The following GOLGB1 variants were observed in gnomAD, a reference collection of about 807,000 sequenced individuals.
GOLGB1 encodes golgin subfamily B member 1.
A neutral mutation model predicts 336.9 loss-of-function variants in GOLGB1; 174 were observed. That is an observed-to-expected ratio of 0.52 (90% CI 0.46 to 0.59). GOLGB1 has a LOEUF of 0.59. Among genes scored for constraint, GOLGB1 ranks in the 20% least tolerant of loss-of-function variants. The probability of loss-of-function intolerance (pLI) is 0.00; values close to 1 mark genes in which losing one functional copy is unlikely to be tolerated. For synonymous variants in GOLGB1, 1,208 were observed against 1,289.2 expected (o/e 0.94, Z 1.35); for missense variants, 3,331 against 3,645.3 (o/e 0.91, Z 2.22).
At chr3:121,716,086 T>C (rs960534905) in intron 9 of GOLGB1, among the ~76,000 whole-genome samples, 2 of 152,192 alleles carry the variant, frequency 1.3e-5, no homozygotes, top group Non-Finnish European at 2.9e-5. Context: ...CTTTCCTTTA[T>C]GTCTATGTCA....
intron 3 of GOLGB1, 151 bp downstream of exon 3, chr3:121,729,714 C>A: frequency 1.7e-6 from 1 of 601,624 alleles, no homozygotes; most frequent in Non-Finnish European, 2.8e-6. Context: ...ACCACACCGA[C>A]CCAAAAGTTA....
chr3:121,743,165 T>C (rs1184658932), intron 1 of GOLGB1, among the ~76,000 whole-genome samples: 1 of 152,192 alleles, frequency 6.6e-6, no homozygotes, highest in African/African-American at 2.4e-5. Flanking sequence ...CATATACACA[T>C]GTATGTTTAC....
chr3:121,701,831 A>G (rs1335964793), intron 11 of GOLGB1, among the ~76,000 whole-genome samples: 1 of 152,182 alleles, frequency 6.6e-6, no homozygotes, highest in Non-Finnish European at 1.5e-5. Context: ...AGAGCTTATA[A>G]TATAGTAAAA....
At chr3:121,686,455 T>C (rs1941737615) in intron 14 of GOLGB1, among the ~76,000 whole-genome samples, 1 of 152,318 alleles carries the variant, frequency 6.6e-6, no homozygotes, top group African/African-American at 2.4e-5. Context: ...TTTTATTTTA[T>C]CTTGAAAAAT....
At chr3:121,727,578 C>G (rs975418646) in intron 4 of GOLGB1, among the ~76,000 whole-genome samples, 2 of 151,694 alleles carry the variant, frequency 1.3e-5, no homozygotes, top group Non-Finnish European at 2.9e-5. Context: ...CTTGAAGAAT[C>G]AAGGAGAGAG....
At chr3:121,675,509 C>T (rs1940249692) in intron 17 of GOLGB1, among the ~76,000 whole-genome samples, 1 of 152,046 alleles carries the variant, frequency 6.6e-6, no homozygotes, top group African/African-American at 2.4e-5. Context: ...GGAAAAATGA[C>T]ACTATATGCA....
In GOLGB1 at chr3:121,692,271, CCA is replaced by C. The variant is rs1476762740; in HGVS notation, c.7091_7092del (p.Leu2364ArgfsTer3). The C allele has an allele frequency of 1.9e-6, 3 of 1,610,360 alleles. No individual in the cohort carries two copies. Among genetic ancestry groups the C allele is most frequent in the Non-Finnish European group, 2.5e-6 (3 of 1,179,014 alleles). Reference sequence around the variant, plus strand: ...TCTCTGGAGGCCTGAAGATCAGTCTCCAGTTGTTCATAACTGAACTTAGAATT... The same window carrying C: ...TCTCTGGAGGCCTGAAGATCAGTCTCGTTGTTCATAACTGAACTTAGAATT... Reference protein sequence around the residue: ...IQNSKFSYEQLETDLQASREL... With the variant: ...IQNSKFSYEQXETDLQASREL... On this transcript the variant is annotated frameshift_variant, in exon 14 of 22. Coordinates refer to ENST00000614479, the MANE Select transcript of GOLGB1 (RefSeq NM_001366282.2). LOFTEE classifies it high-confidence loss of function.
intron 5 of GOLGB1, among the ~76,000 whole-genome samples, chr3:121,723,347 T>C (rs1243747274): frequency 6.6e-6 from 1 of 152,216 alleles, no homozygotes; most frequent in Non-Finnish European, 1.5e-5. Flanking sequence ...ATGGGTTGAT[T>C]CAGTTTAACA....
In GOLGB1 at chr3:121,722,309, T is replaced by C; in HGVS notation, c.601A>G (p.Thr201Ala). 6.2e-7 allele frequency: 1 copy of C among 1,613,062 alleles called. No individual in the cohort carries two copies. The highest frequency in any genetic ancestry group is 2.2e-5 in the East Asian group (1 of 44,874). Residue 201 changes from threonine (T) to alanine (A), a missense_variant, in exon 6 of 22, where the codon ACT becomes GCT. Thr to Ala is a moderately conservative substitution (Grantham distance 58, BLOSUM62 0). Coordinates refer to ENST00000614479, the MANE Select transcript of GOLGB1 (RefSeq NM_001366282.2). ...QLQEKEEFIS[T>A]LQAQLSQTQA... The stretch of plus-strand genomic sequence containing the variant: ...GTCTGGCTGAGCTGGGCTTGTAAAG[T>C]GCTAATGAATTCTTCCTTCTCCTGG...
intron 10 of GOLGB1, among the ~76,000 whole-genome samples, chr3:121,714,021 G>C (rs1446323189): frequency 3.3e-5 from 5 of 152,172 alleles, no homozygotes; most frequent in Non-Finnish European, 2.9e-5. Context: ...CAAAACTCTT[G>C]CAACTTATTC....
chr3:121,664,837 C>T (rs923700708), intron 21 of GOLGB1, 89 bp downstream of exon 21: 16 of 860,116 alleles, frequency 1.9e-5, no homozygotes, highest in Non-Finnish European at 2.9e-5. Context: ...GGCTGGACTT[C>T]CACATTCCTT....
rs1942725559 is a variant in GOLGB1 at position 121,694,167 on chromosome 3, C to G, written c.6356G>C (p.Ser2119Thr). Residue 2119 changes from serine to threonine, a missense_variant, in exon 13 of 22, where the codon AGC becomes ACC. Coordinates refer to ENST00000614479, the MANE Select transcript of GOLGB1 (RefSeq NM_001366282.2). ...ATCTTCATCCTTTTGTTTCATCTGG[C>G]TTTTAACTGATTCTTTATTTGACTG... ...ELQSNKESVK[S>T]QMKQKDEDLE... The G allele has an allele frequency of 6.2e-7, 1 of 1,613,586 alleles. No homozygotes were observed. Among genetic ancestry groups the G allele is most frequent in the African/African-American group, 1.3e-5 (1 of 74,932 alleles).
intron 1 of GOLGB1, among the ~76,000 whole-genome samples, chr3:121,737,001 TC>T (rs1259432525): frequency 6.6e-6 from 1 of 152,204 alleles, no homozygotes; most frequent in East Asian, 1.9e-4. Context: ...CTGAATGAAG[TC>T]TACCTATAGT....
At chr3:121,721,574 A>G (rs1180248188) in intron 6 of GOLGB1, among the ~76,000 whole-genome samples, 1 of 152,250 alleles carries the variant, frequency 6.6e-6, no homozygotes, top group Non-Finnish European at 1.5e-5. Context: ...CTGAGGCTGC[A>G]GTGAGCTATG....
Position 121,669,259 on chromosome 3 carries a change from A to G in GOLGB1, c.9274T>C (p.Leu3092=). The change falls in exon 18 of 22, where the codon TTA becomes CTA. Residue 3092 remains leucine (L), a synonymous_variant. Coordinates refer to ENST00000614479, the MANE Select transcript of GOLGB1 (RefSeq NM_001366282.2). ...RENQQHYGDL[L]NHCAVLEKQV... The stretch of plus-strand genomic sequence containing the variant: ...TTCTCCAAGACTGCACAGTGATTTA[A>G]AAGGTCACCATAGTGCTGCTGGTTC... The G allele has an allele frequency of 6.2e-7, 1 of 1,614,102 alleles. No homozygotes were observed. The highest frequency in any genetic ancestry group is 8.5e-7 in the Non-Finnish European group (1 of 1,179,950).
intron 5 of GOLGB1, among the ~76,000 whole-genome samples, chr3:121,724,946 G>A (rs1362460998): frequency 6.6e-6 from 1 of 152,212 alleles, no homozygotes; most frequent in African/African-American, 2.4e-5. Context: ...GGTACGAGTT[G>A]TAAAACTTGG....
At chr3:121,667,365 A>T in intron 20 of GOLGB1, 111 bp downstream of exon 20, 2 of 1,128,720 alleles carry the variant, frequency 1.8e-6, no homozygotes, top group Non-Finnish European at 2.5e-6. Context: ...TGCAGCAACT[A>T]CCTCAAGATG....
At chr3:121,731,640 A>G (rs745793285) in intron 1 of GOLGB1, among the ~76,000 whole-genome samples, 1 of 152,288 alleles carries the variant, frequency 6.6e-6, no homozygotes, top group Admixed American at 6.5e-5. Flanking sequence ...ATTCTTTCAG[A>G]AAGCTTTCTT....
chr3:121,729,310 TA>T lies in GOLGB1; in HGVS notation c.279del (p.Lys95AsnfsTer2). 1.2e-6 allele frequency: 2 copies of T among 1,613,010 alleles called. No individual in the cohort carries two copies. The highest frequency in any genetic ancestry group is 1.7e-6 in the Non-Finnish European group (2 of 1,179,270). On this transcript the variant is annotated frameshift_variant, in exon 4 of 22. Coordinates refer to ENST00000614479, the MANE Select transcript of GOLGB1 (RefSeq NM_001366282.2). LOFTEE classifies it high-confidence loss of function. ...QEERKAADNK[I>X]KKLKLHAKAK... ...GCCTTCGCATGAAGTTTTAGTTTTTTAATTTTGTTATCAGCAGCTTTTCTCT... is the reference window on the plus strand; with the variant it reads ...GCCTTCGCATGAAGTTTTAGTTTTTTATTTTGTTATCAGCAGCTTTTCTCT...
Sources: allele counts gnomAD v4.1 joint callset (sites outside exome capture counted in the v4.1 genomes callset), GRCh38; gene constraint gnomAD v4.1.1; transcripts MANE v1.5; gene names NCBI Gene and HGNC (gene_info 2026-07-23, HGNC 2026-07-21).